RSF1: variants seen among roughly 807,000 people sequenced by gnomAD.
RSF1 encodes the protein remodeling and spacing factor 1, also known as HBV pX-associated protein 8.
RSF1 carries 13 observed loss-of-function variants against 145.2 expected under a neutral mutation model. The ratio of observed to expected loss-of-function variants is 0.09; its 90% CI spans 0.06 to 0.14. The LOEUF (loss-of-function observed/expected upper bound fraction) is 0.14. Among genes scored for constraint, RSF1 ranks in the 10% least tolerant of loss-of-function variants. RSF1 has a pLI of 1.00. For missense variants in RSF1, 1,517 were observed against 1,718.2 expected (o/e 0.88, Z 2.07); for synonymous variants, 577 against 592.6 (o/e 0.97, Z 0.38).
intron 1 of RSF1, among the ~76,000 whole-genome samples, chr11:77,778,284 G>A (rs1948368806): frequency 7.3e-6 from 1 of 136,970 alleles, no homozygotes; most frequent in African/African-American, 2.8e-5. Flanking sequence ...GGGAGGGGAG[G>A]GGAAAAAATA....
rs1265235028 is a variant in RSF1, at chr11:77,665,149, A to T, written c.*1768T>A. ...TAAGGGCAATACCTGTTGAAGAAGGAAAAGGAGTATAAAGTTCCTAGAGAG... is the reference window on the plus strand; with the variant it reads ...TAAGGGCAATACCTGTTGAAGAAGGTAAAGGAGTATAAAGTTCCTAGAGAG... On this transcript the variant is annotated 3_prime_UTR_variant, in exon 16 of 16. Coordinates refer to ENST00000308488, the MANE Select transcript of RSF1 (RefSeq NM_016578.4). 6.6e-6 allele frequency: 1 copy of T among 152,226 alleles called. No individual in the cohort carries two copies. Among genetic ancestry groups the T allele is most frequent in the Non-Finnish European group, 1.5e-5 (1 of 68,040 alleles). The allele number at this position is 152,226 out of a possible 1,614,324, so 9.4% of individuals were successfully genotyped here.
intron 2 of RSF1, among the ~76,000 whole-genome samples, chr11:77,755,102 G>T (rs1264845532): frequency 6.6e-6 from 1 of 152,186 alleles, no homozygotes; most frequent in Non-Finnish European, 1.5e-5. Flanking sequence ...AAATATGATG[G>T]GATATCACTA....
intron 2 of RSF1, among the ~76,000 whole-genome samples, chr11:77,751,688 T>C (rs1028650226): frequency 6.6e-6 from 1 of 152,202 alleles, no homozygotes; most frequent in Non-Finnish European, 1.5e-5. Flanking sequence ...TTAGCTTCTT[T>C]TTAAATTTTT....
rs1959371441 is a variant in RSF1, at chr11:77,666,729, G to C, written c.*188C>G. On this transcript the variant is annotated 3_prime_UTR_variant, in exon 16 of 16. Transcript: ENST00000308488. ...AAAAGAAAATCAAAAGGAATTTACA[G>C]CAATTATTTATCTTCAAAGTTCAGA... 2.4e-6 allele frequency: 1 copy of C among 414,696 alleles called. No homozygotes were observed. The highest frequency in any genetic ancestry group is 4.2e-6 in the Non-Finnish European group (1 of 236,808). The allele number at this position is 414,696 out of a possible 1,614,324, so 25.7% of individuals were successfully genotyped here.
the RSF1 span, chr11:77,869,185 G>C: frequency 4.4e-6 from 1 of 228,480 alleles, no homozygotes; most frequent in Non-Finnish European, 8.8e-6. Flanking sequence ...CTTTCCCTTT[G>C]TATTTGTCAT....
intron 1 of RSF1, among the ~76,000 whole-genome samples, chr11:77,774,622 T>G (rs1275348544): frequency 7.4e-6 from 1 of 134,446 alleles, no homozygotes; most frequent in Non-Finnish European, 1.6e-5. Flanking sequence ...ATAAATAAAA[T>G]AAAGAAAAGA....
chr11:77,682,103 C>T (rs1398013427), intron 11 of RSF1, among the ~76,000 whole-genome samples: 1 of 152,148 alleles, frequency 6.6e-6, no homozygotes, highest in Non-Finnish European at 1.5e-5. Flanking sequence ...TTCCATCTGT[C>T]AGCTTTGACT....
At chr11:77,742,791 C>A (rs545668058) in intron 3 of RSF1, among the ~76,000 whole-genome samples, 65 of 152,278 alleles carry the variant, frequency 4.3e-4, no homozygotes, top group Non-Finnish European at 8.7e-4. Context: ...GTCCTTTGCC[C>A]ATTTTTAAAT....
Position 77,772,617 on chromosome 11 carries a change from T to C in RSF1, c.188-7928A>G, listed in dbSNP as rs571378774. 3.3e-5 allele frequency among the ~76,000 whole-genome samples: 5 copies of C among 152,252 alleles called. No individual in the cohort carries two copies. In the South Asian group the frequency reaches 8.3e-4, roughly 25 times the overall value. ...AAGTCAGGAGAGAGGGGTGCAAACA[T>C]TGAATTTGTCATTCATAATTGAAGG... On this transcript the variant is annotated intron_variant, in intron 1 of 15. Transcript: ENST00000308488.
At chr11:77,758,514 G>C (rs1201209193) in intron 2 of RSF1, among the ~76,000 whole-genome samples, 1 of 152,056 alleles carries the variant, frequency 6.6e-6, no homozygotes, top group African/African-American at 2.4e-5. Flanking sequence ...GCTTTATGAG[G>C]AACTGCCAAA....
intron 5 of RSF1, among the ~76,000 whole-genome samples, chr11:77,709,464 G>A (rs1230693160): frequency 9.9e-5 from 15 of 152,008 alleles, no homozygotes. Flanking sequence ...AGTGAAATAT[G>A]ACAGGTGAAA....
chr11:77,745,668 T>C (rs1947992212), intron 3 of RSF1, among the ~76,000 whole-genome samples: 2 of 151,576 alleles, frequency 1.3e-5, no homozygotes, highest in Admixed American at 6.6e-5. Context: ...TTTTCATTGA[T>C]AGCTGGCTCT....
chr11:77,786,639 A>C (rs1425419394), intron 1 of RSF1, among the ~76,000 whole-genome samples: 1 of 152,222 alleles, frequency 6.6e-6, no homozygotes, highest in Non-Finnish European at 1.5e-5. Context: ...AGATCCCCAT[A>C]ATTTTAATTC....
chr11:77,682,430 A>G (rs1959887912), intron 11 of RSF1, among the ~76,000 whole-genome samples: 1 of 152,230 alleles, frequency 6.6e-6, no homozygotes, highest in Non-Finnish European at 1.5e-5. Flanking sequence ...TAACTAAAAT[A>G]TAATTTATTT....
intron 5 of RSF1, among the ~76,000 whole-genome samples, chr11:77,706,059 C>T (rs544459253): frequency 7.2e-5 from 11 of 151,788 alleles, no homozygotes; most frequent in East Asian, 1.9e-4. Flanking sequence ...AAGGTCAACA[C>T]GGTGAAACCC....
intron 3 of RSF1, 58 bp from the exon 4 acceptor site, chr11:77,740,994 A>G: frequency 1.6e-6 from 2 of 1,251,372 alleles, no homozygotes; most frequent in Non-Finnish European, 1.1e-6. Context: ...CCATCACAGT[A>G]AATATGATAC....
At chr11:77,775,427 G>C (rs1239535420) in intron 1 of RSF1, among the ~76,000 whole-genome samples, 2 of 152,164 alleles carry the variant, frequency 1.3e-5, no homozygotes, top group Non-Finnish European at 2.9e-5. Flanking sequence ...ATCACTAACC[G>C]AAGAGGGCTC....
At chr11:77,739,792 G>C (rs1365390804) in intron 4 of RSF1, among the ~76,000 whole-genome samples, 1 of 152,098 alleles carries the variant, frequency 6.6e-6, no homozygotes, top group African/African-American at 2.4e-5. Context: ...AAGTTACAGT[G>C]ACAGAAAACT....
At chr11:77,791,443 C>T (rs1432069901) in intron 1 of RSF1, among the ~76,000 whole-genome samples, 2 of 152,212 alleles carry the variant, frequency 1.3e-5, no homozygotes, top group African/African-American at 4.8e-5. Flanking sequence ...TGGGGATTAA[C>T]ATTTGGCCCC....
Sources: allele counts gnomAD v4.1 joint callset (sites outside exome capture counted in the v4.1 genomes callset), GRCh38; gene constraint gnomAD v4.1.1; transcripts MANE v1.5; gene names NCBI Gene and HGNC (gene_info 2026-07-23, HGNC 2026-07-21).